The following STEAP4 variants were observed in gnomAD, a reference collection of about 807,000 sequenced individuals.
STEAP4 encodes metalloreductase STEAP4.
A neutral mutation model predicts 43.6 loss-of-function variants in STEAP4; 36 were observed. The ratio of observed to expected loss-of-function variants is 0.83; its 90% CI spans 0.63 to 1.09. The LOEUF (loss-of-function observed/expected upper bound fraction) is 1.09, where lower values mean the gene tolerates loss of function less well. Among genes scored for constraint, STEAP4 ranks in the 50% least tolerant of loss-of-function variants. The pLI is 0.00. For missense variants in STEAP4, 495 were observed against 546.5 expected, an observed-to-expected ratio of 0.91 and a Z score of 0.94; for synonymous variants, 191 against 196.7, an observed-to-expected ratio of 0.97 and a Z score of 0.24.
intron 2 of STEAP4, 195 bp downstream of exon 2, chr7:88,283,619 G>A: frequency 1.6e-6 from 1 of 644,064 alleles, no homozygotes. Flanking sequence ...AAAATCTGAG[G>A]GTGCAGACAG....
chr7:88,284,802 G>A (rs994418254), intron 1 of STEAP4, among the ~76,000 whole-genome samples: 1 of 152,066 alleles, frequency 6.6e-6, no homozygotes, highest in Non-Finnish European at 1.5e-5. Context: ...TGTCATATCT[G>A]TGTATGTTAA....
intron 1 of STEAP4, among the ~76,000 whole-genome samples, chr7:88,299,295 G>T (rs1852988050): frequency 6.6e-6 from 1 of 152,188 alleles, no homozygotes; most frequent in African/African-American, 2.4e-5. Flanking sequence ...CTCTGGCCAA[G>T]AATTTCATCA....
intron 1 of STEAP4, among the ~76,000 whole-genome samples, chr7:88,301,112 A>G (rs1256505317): frequency 1.3e-5 from 2 of 152,330 alleles, no homozygotes; most frequent in East Asian, 3.9e-4. Context: ...TAGGATCTCA[A>G]CTATGAAAAC....
chr7:88,304,941 C>T (rs1301568396), intron 1 of STEAP4, among the ~76,000 whole-genome samples: 1 of 152,164 alleles, frequency 6.6e-6, no homozygotes, highest in Admixed American at 6.5e-5. Flanking sequence ...CTCCAAGTTT[C>T]TTTGAATATA....
chr7:88,285,522 G>T (rs1852716283), intron 1 of STEAP4, among the ~76,000 whole-genome samples: 1 of 151,848 alleles, frequency 6.6e-6, no homozygotes. Context: ...TCAAAGAAAT[G>T]GATAAAGTTC....
At chr7:88,298,071 T>A (rs952192987) in intron 1 of STEAP4, among the ~76,000 whole-genome samples, 1 of 152,096 alleles carries the variant, frequency 6.6e-6, no homozygotes, top group East Asian at 1.9e-4. Context: ...TTCTCCTGAG[T>A]GCATAGTGCT....
intron 1 of STEAP4, among the ~76,000 whole-genome samples, chr7:88,297,554 G>A (rs1395489456): frequency 6.6e-6 from 1 of 152,114 alleles, no homozygotes; most frequent in African/African-American, 2.4e-5. Flanking sequence ...TTTAGTGTAA[G>A]TATATCCCCT....
rs1196601770 is a variant in STEAP4, at chr7:88,279,383, C to T, written c.*15G>A. On this transcript the variant is annotated 3_prime_UTR_variant, in exon 5 of 5. Coordinates refer to ENST00000380079, the MANE Select transcript of STEAP4 (RefSeq NM_024636.4). Reference sequence around the variant, plus strand: ...AACTTTGTTTTAAATATTGATTTTCCATTCAATGCTTTTTCTAGTGTTTTG... The same window carrying T: ...AACTTTGTTTTAAATATTGATTTTCTATTCAATGCTTTTTCTAGTGTTTTG... 1 of 1,602,184 alleles carries T rather than the reference C, an allele frequency of 6.2e-7. No individual in the cohort carries two copies. The highest frequency in any genetic ancestry group is 8.5e-7 in the Non-Finnish European group (1 of 1,170,344).
chr7:88,280,661 G>A (rs1046120775), intron 4 of STEAP4, among the ~76,000 whole-genome samples: 5 of 152,040 alleles, frequency 3.3e-5, no homozygotes, highest in African/African-American at 9.7e-5. Flanking sequence ...ATTTTGTCTT[G>A]GGGTTTCTTT....
rs148793788 is a variant in STEAP4, at chr7:88,304,640, T to TTGTG, written c.-3+2148_-3+2151dup. 7.2e-3 allele frequency among the ~76,000 whole-genome samples: 1,066 copies of TTGTG among 147,780 alleles called. 12 individuals carry two copies. The highest frequency in any genetic ancestry group is 0.02 in the African/African-American group (798 of 40,434). ...TTGAAGGACTACTGTGTTGCTGCTG[T>TTGTG]TGTGTGTGTGTGTGTGTGTGTGTGT... On this transcript the variant is annotated intron_variant, in intron 1 of 4. Coordinates refer to ENST00000380079, the MANE Select transcript of STEAP4 (RefSeq NM_024636.4).
intron 1 of STEAP4, among the ~76,000 whole-genome samples, chr7:88,302,702 C>T (rs1853056758): frequency 6.6e-6 from 1 of 151,818 alleles, no homozygotes; most frequent in Non-Finnish European, 1.5e-5. Context: ...GCCTGTAATC[C>T]CAGCACTTCG....
rs1852475323 is a variant in STEAP4, at chr7:88,273,910, C to G, written c.*5488G>C. On this transcript the variant is annotated 3_prime_UTR_variant, in exon 5 of 5. Transcript: ENST00000380079. ...CGAATTGAAATCAGCATAGATAAAC[C>G]TGGAGTATTGAGGACTGGGCAATCA... 6.6e-6 allele frequency: 1 copy of G among 152,176 alleles called. No homozygotes were observed. Among genetic ancestry groups the G allele is most frequent in the South Asian group, 2.1e-4 (1 of 4,834 alleles). 9.4% of individuals were successfully genotyped at this position (152,176 alleles called of 1,614,324 possible). A position where few individuals can be genotyped will look rare whatever the true frequency, so the allele number is the denominator to read the frequency against.
chr7:88,282,163 T>C (rs1852631535), intron 3 of STEAP4: 1 of 153,930 alleles, frequency 6.5e-6, no homozygotes, highest in Non-Finnish European at 1.4e-5. Context: ...TTTTTTTTCT[T>C]TTTGAGATGG....
intron 1 of STEAP4, among the ~76,000 whole-genome samples, chr7:88,288,476 T>A (rs1852778284): frequency 6.6e-6 from 1 of 152,210 alleles, no homozygotes; most frequent in Admixed American, 6.5e-5. Flanking sequence ...AGCTAAAGAT[T>A]TATTTTTAGA....
At chr7:88,305,309 T>G (rs1157170879) in intron 1 of STEAP4, among the ~76,000 whole-genome samples, 2 of 152,194 alleles carry the variant, frequency 1.3e-5, no homozygotes, top group African/African-American at 2.4e-5. Flanking sequence ...TTTTCTGGGT[T>G]GGCAGTGTTT....
At position 88,280,915 on chromosome 7, in the gene STEAP4, C is replaced by A; in HGVS notation, c.1149G>T (p.Gln383His). The change falls in exon 4 of 5, where the codon CAG becomes CAT. Residue 383 changes from glutamine (Q) to histidine (H), a missense_variant and splice_region_variant. Coordinates refer to ENST00000380079, the MANE Select transcript of STEAP4 (RefSeq NM_024636.4). The part of the protein sequence containing the change: ...AVNWREFRFV[Q>H]SKLGYLTLIL... Reference sequence around the variant, plus strand: ...TTAGGAATGAACTTGAAGTTCTTACCTGGACAAATCGGAACTCTCTCCAGT... The same window carrying A: ...TTAGGAATGAACTTGAAGTTCTTACATGGACAAATCGGAACTCTCTCCAGT... 1.3e-6 allele frequency: 2 copies of A among 1,595,152 alleles called. No homozygotes were observed. Among genetic ancestry groups the A allele is most frequent in the Non-Finnish European group, 1.7e-6 (2 of 1,172,608 alleles).
rs1262758332 is a variant in STEAP4, at chr7:88,282,700, G to C, written c.925C>G (p.Leu309Val). ...GFAFLHVLYT[L>V]VIPIRYYVRW... Reference sequence around the variant, plus strand: ...ACATAATATCGAATAGGAATCACAAGTGTGTAGAGGACATGAAGGAAGGCA... The same window carrying C: ...ACATAATATCGAATAGGAATCACAACTGTGTAGAGGACATGAAGGAAGGCA... Residue 309 changes from leucine to valine, a missense_variant, in exon 3 of 5, where the codon CTT (leucine) becomes GTT (valine). Physicochemically the swap from Leu to Val is conservative, Grantham distance 32 (BLOSUM62 1). Coordinates refer to ENST00000380079, the MANE Select transcript of STEAP4 (RefSeq NM_024636.4). 4 of 1,614,074 alleles carry C rather than the reference G, an allele frequency of 2.5e-6. No homozygotes were observed. In the South Asian group the frequency reaches 4.4e-5, roughly 18 times the overall value.
chr7:88,294,039 A>G (rs376276622), intron 1 of STEAP4, among the ~76,000 whole-genome samples: 5 of 152,224 alleles, frequency 3.3e-5, no homozygotes, highest in Admixed American at 1.3e-4. Flanking sequence ...AAAGCAGTTC[A>G]TGTTTTAGGA....
In STEAP4 at chr7:88,274,280, A is replaced by C. The variant is rs1378313154; in HGVS notation, c.*5118T>G. ...GAAATTGTTAGCATAGGCTTTACGC[A>C]TGGCACTCTGCTGTAAGTATCATTA... On this transcript the variant is annotated 3_prime_UTR_variant, in exon 5 of 5. Coordinates refer to ENST00000380079, the MANE Select transcript of STEAP4 (RefSeq NM_024636.4). 1.3e-5 allele frequency: 2 copies of C among 152,258 alleles called. No homozygotes were observed. Among genetic ancestry groups the C allele is most frequent in the Non-Finnish European group, 2.9e-5 (2 of 68,052 alleles). 9.4% of individuals were successfully genotyped at this position (152,258 alleles called of 1,614,324 possible). A position where few individuals can be genotyped will look rare whatever the true frequency, so the allele number is the denominator to read the frequency against.
Sources: gnomAD v4.1 joint callset for allele counts (sites outside exome capture counted in the v4.1 genomes callset) on GRCh38, gnomAD v4.1.1 for gene constraint, MANE v1.5 for transcripts, NCBI Gene and HGNC (gene_info 2026-07-23, HGNC 2026-07-21) for gene names.